Variants in CDH12 observed in about 807,000 individuals in gnomAD.
CDH12 encodes cadherin 12, also known as cadherin-12.
In CDH12, 41 loss-of-function variants were observed where a neutral mutation model predicts 74.1. The observed-to-expected ratio is 0.55, with a 90% CI of 0.43 to 0.72. The LOEUF is 0.72. Ranked by LOEUF, CDH12 falls within the 30% of genes least tolerant of loss-of-function variation. The pLI is 0.00. For missense variants in CDH12, 945 were observed against 977.2 expected (o/e 0.97, Z 0.44); for synonymous variants, 399 against 355.0 (o/e 1.12, Z -1.39).
intron 6 of CDH12, among the ~76,000 whole-genome samples, chr5:21,943,143 C>T (rs1366409796): frequency 6.6e-6 from 1 of 152,120 alleles, no homozygotes; most frequent in Non-Finnish European, 1.5e-5. Context: ...TTGTAAGTTC[C>T]CTGAGGCCTC....
chr5:22,121,321 C>A (rs1745500174), intron 4 of CDH12, among the ~76,000 whole-genome samples: 1 of 152,110 alleles, frequency 6.6e-6, no homozygotes, highest in Non-Finnish European at 1.5e-5. Flanking sequence ...TTGCAAGCAG[C>A]CCGCTTATAA....
chr5:22,770,498 T>C (rs536985999), intron 1 of CDH12, among the ~76,000 whole-genome samples: 26 of 152,288 alleles, frequency 1.7e-4, no homozygotes, highest in African/African-American at 6.3e-4. Flanking sequence ...TATATCCATA[T>C]AGCATACAAT....
In CDH12 at chr5:22,554,987, A is replaced by T. The variant is rs111431068; in HGVS notation, c.-522-49623T>A. Among the ~76,000 whole-genome samples the T allele has an allele frequency of 2.0e-3, 306 of 152,254 alleles. 1 individual carries two copies. Among genetic ancestry groups the T allele is most frequent in the Admixed American group, 4.1e-3 (63 of 15,294 alleles). ...TTTACCCAAAGAGCATGAAGAAAAT[A>T]AAAACAGTTTATTCATGTTTTCCTT... On this transcript the variant is annotated intron_variant, in intron 1 of 14. Coordinates refer to ENST00000382254, the MANE Select transcript of CDH12 (RefSeq NM_004061.5).
intron 1 of CDH12, among the ~76,000 whole-genome samples, chr5:22,539,104 T>C (rs1300242068): frequency 2.0e-5 from 3 of 152,194 alleles, no homozygotes; most frequent in Non-Finnish European, 4.4e-5. Flanking sequence ...ATCTAAACAG[T>C]TATAAGAAGA....
chr5:22,797,692 T>G (rs528087662), intron 1 of CDH12, among the ~76,000 whole-genome samples: 73 of 152,308 alleles, frequency 4.8e-4, no homozygotes, highest in Non-Finnish European at 7.9e-4. Context: ...AAAGTTCCCT[T>G]TGCCTTAACT....
intron 2 of CDH12, among the ~76,000 whole-genome samples, chr5:22,477,558 G>A (rs1309902366): frequency 3.3e-5 from 5 of 152,164 alleles, no homozygotes; most frequent in Non-Finnish European, 7.3e-5. Flanking sequence ...ATGCATGCAT[G>A]AGTCTATGAT....
At chr5:22,653,644 C>T (rs977561848) in intron 1 of CDH12, among the ~76,000 whole-genome samples, 1 of 152,108 alleles carries the variant, frequency 6.6e-6, no homozygotes, top group Non-Finnish European at 1.5e-5. Context: ...CCTAACATAG[C>T]GGCCCACTGG....
chr5:22,182,647 C>G (rs552034266), intron 4 of CDH12, among the ~76,000 whole-genome samples: 7 of 152,088 alleles, frequency 4.6e-5, no homozygotes, highest in African/African-American at 1.7e-4. Context: ...TTTTAGGAGG[C>G]TATATTAATA....
chr5:22,739,289 T>C (rs995463218), intron 1 of CDH12, among the ~76,000 whole-genome samples: 1 of 149,364 alleles, frequency 6.7e-6, no homozygotes, highest in Non-Finnish European at 1.5e-5. Flanking sequence ...TAAACATATA[T>C]ACAACATTTT....
intron 1 of CDH12, among the ~76,000 whole-genome samples, chr5:22,604,918 G>C (rs977467361): frequency 2.6e-5 from 4 of 152,194 alleles, no homozygotes; most frequent in African/African-American, 9.7e-5. Flanking sequence ...TTCACCATCA[G>C]CTCTGGTCAG....
intron 2 of CDH12, among the ~76,000 whole-genome samples, chr5:22,496,112 C>T (rs1747096791): frequency 6.6e-6 from 1 of 152,086 alleles, no homozygotes; most frequent in Non-Finnish European, 1.5e-5. Flanking sequence ...GGTTAAGTAA[C>T]TTGTCACTAC....
At chr5:22,156,550 G>GA (rs909636553) in intron 4 of CDH12, among the ~76,000 whole-genome samples, 1 of 151,388 alleles carries the variant, frequency 6.6e-6, no homozygotes, top group Admixed American at 6.6e-5. Context: ...AAATCATTGA[G>GA]AAAAAAAAGA....
At chr5:22,841,731 T>G (rs1737090670) in intron 1 of CDH12, among the ~76,000 whole-genome samples, 1 of 152,132 alleles carries the variant, frequency 6.6e-6, no homozygotes. Context: ...AATCCAACTT[T>G]AAGAACTGTG....
intron 1 of CDH12, among the ~76,000 whole-genome samples, chr5:22,747,674 C>T (rs1018555980): frequency 1.3e-5 from 2 of 150,114 alleles, no homozygotes; most frequent in Non-Finnish European, 3.0e-5. Flanking sequence ...TAACTTATAG[C>T]TAAAGTTGCA....
chr5:22,672,782 T>C (rs1265419901), intron 1 of CDH12, among the ~76,000 whole-genome samples: 1 of 152,206 alleles, frequency 6.6e-6, no homozygotes, highest in Non-Finnish European at 1.5e-5. Flanking sequence ...CAAGTTTAAA[T>C]TGGCAGTGTT....
intron 4 of CDH12, among the ~76,000 whole-genome samples, chr5:22,082,089 T>C (rs6862212): frequency 1.8e-3 from 275 of 152,286 alleles, no homozygotes; most frequent in African/African-American, 6.5e-3. Context: ...TTTTATACTT[T>C]TTCCATCTTA....
intron 1 of CDH12, among the ~76,000 whole-genome samples, chr5:22,516,183 A>T (rs1044839522): frequency 1.3e-5 from 2 of 152,200 alleles, no homozygotes; most frequent in Admixed American, 1.3e-4. Flanking sequence ...GCCAATGTTG[A>T]GAATGTGGCA....
chr5:22,442,961 T>C (rs960084731), intron 2 of CDH12, among the ~76,000 whole-genome samples: 10 of 151,552 alleles, frequency 6.6e-5, no homozygotes, highest in African/African-American at 1.2e-4. Flanking sequence ...AGACAACACA[T>C]TGAATGTTTT....
At chr5:22,197,512 T>G (rs2150351773) in intron 4 of CDH12, among the ~76,000 whole-genome samples, 1 of 152,198 alleles carries the variant, frequency 6.6e-6, no homozygotes, top group African/African-American at 2.4e-5. Context: ...AGGTAGATTT[T>G]GCCAGAGAGT....
Sources: gnomAD v4.1 joint callset for allele counts (sites outside exome capture counted in the v4.1 genomes callset) on GRCh38, gnomAD v4.1.1 for gene constraint, MANE v1.5 for transcripts, NCBI Gene and HGNC (gene_info 2026-07-23, HGNC 2026-07-21) for gene names.